Variants in ANK2 observed in about 807,000 individuals in gnomAD.
ANK2 encodes the protein ankyrin 2, also known as ankyrin-2.
In ANK2, 83 loss-of-function variants were observed where a neutral mutation model predicts 360.5. The ratio of observed to expected loss-of-function variants is 0.23; its 90% CI spans 0.19 to 0.28. The LOEUF is 0.28. ANK2 is among the 10% of genes least tolerant of loss of function. ANK2 has a pLI of 1.00. For missense variants in ANK2, 4,201 were observed against 4,795.7 expected (o/e 0.88, Z 3.66); for synonymous variants, 1,740 against 1,759.5 (o/e 0.99, Z 0.28).
intron 4 of ANK2, among the ~76,000 whole-genome samples, chr4:113,229,398 G>A (rs2099265155): frequency 6.6e-6 from 1 of 152,118 alleles, no homozygotes; most frequent in Non-Finnish European, 1.5e-5. Flanking sequence ...TCTTGCTCTT[G>A]TAAAGACCCC....
intron 13 of ANK2, among the ~76,000 whole-genome samples, chr4:113,259,812 C>A (rs200107076): frequency 9.4e-6 from 1 of 106,626 alleles, no homozygotes. Context: ...CTTTTTTTTT[C>A]TTTTTTTTTT....
At chr4:112,931,342 T>G (rs2154237377) in intron 2 of ANK2, among the ~76,000 whole-genome samples, 1 of 152,202 alleles carries the variant, frequency 6.6e-6, no homozygotes, top group South Asian at 2.1e-4. Flanking sequence ...AAATCTGTGG[T>G]TTTCAAGAAG....
intron 10 of ANK2, among the ~76,000 whole-genome samples, chr4:113,251,475 CTTTTTTTTTT>C (rs1167630240): frequency 1.1e-5 from 1 of 88,098 alleles, no homozygotes; most frequent in Non-Finnish European, 2.1e-5. Context: ...AATACAAAAT[CTTTTTTTTTT>C]TTTTTTTTTT....
chr4:112,844,483 T>C (rs573273234), intron 1 of ANK2, among the ~76,000 whole-genome samples: 1 of 152,340 alleles, frequency 6.6e-6, no homozygotes, highest in East Asian at 1.9e-4. Flanking sequence ...ACTGTGCCAA[T>C]GTTTGCAAAT....
In ANK2 at chr4:113,249,224, C is replaced by G. The variant is rs919529054; in HGVS notation, c.892-540C>G. On this transcript the variant is annotated intron_variant, in intron 9 of 45. Coordinates refer to ENST00000357077, the MANE Select transcript of ANK2 (RefSeq NM_001148.6). ...CTTTAAAATAGTCTAAAAAATGATG[C>G]TTCACTTTTGCAAGCATTAGGAAGC... Among the ~76,000 whole-genome samples, 8 of 152,014 alleles carry G rather than the reference C, an allele frequency of 5.3e-5. No homozygotes were observed. In the South Asian group the frequency reaches 1.7e-3, roughly 32 times the overall value.
chr4:113,186,681 A>G (rs1308870012), intron 2 of ANK2, among the ~76,000 whole-genome samples: 1 of 151,864 alleles, frequency 6.6e-6, no homozygotes, highest in Non-Finnish European at 1.5e-5. Context: ...AGTCTTTTCA[A>G]GGCCTCTTCT....
chr4:113,243,345 C>T (rs2041033328), intron 9 of ANK2, among the ~76,000 whole-genome samples: 1 of 152,206 alleles, frequency 6.6e-6, no homozygotes, highest in Non-Finnish European at 1.5e-5. Context: ...ATCTAGTTTC[C>T]TTGCAAATCT....
At chr4:113,124,119 A>T (rs1166131124) in intron 1 of ANK2, among the ~76,000 whole-genome samples, 1 of 152,194 alleles carries the variant, frequency 6.6e-6, no homozygotes, top group Non-Finnish European at 1.5e-5. Flanking sequence ...TGGAGAAGTT[A>T]TCCAAGCTAA....
chr4:112,736,323 C>T, the ANK2 span, among the ~76,000 whole-genome samples: 81 of 152,020 alleles, frequency 5.3e-4, no homozygotes, highest in African/African-American at 1.5e-3. Flanking sequence ...ATTAGCCAGA[C>T]GTGGCAGCCT....
intron 2 of ANK2, among the ~76,000 whole-genome samples, chr4:113,015,494 A>G (rs935950587): frequency 1.2e-4 from 18 of 152,198 alleles, no homozygotes; most frequent in African/African-American, 4.3e-4. Context: ...CAATTGTTGA[A>G]CTAAGTGTTA....
intron 2 of ANK2, among the ~76,000 whole-genome samples, chr4:112,994,897 C>T (rs960351963): frequency 6.6e-6 from 1 of 152,158 alleles, no homozygotes; most frequent in African/African-American, 2.4e-5. Context: ...AGGATAATGG[C>T]CTCTAGCTGC....
At chr4:112,914,948 G>A (rs1299329767) in intron 2 of ANK2, among the ~76,000 whole-genome samples, 1 of 152,218 alleles carries the variant, frequency 6.6e-6, no homozygotes, top group African/African-American at 2.4e-5. Flanking sequence ...AAAGCTTAAT[G>A]CAGCAAAGGC....
chr4:113,204,837 G>C (rs2098921376), intron 4 of ANK2, among the ~76,000 whole-genome samples: 1 of 152,136 alleles, frequency 6.6e-6, no homozygotes, highest in South Asian at 2.1e-4. Flanking sequence ...TAGGCAACTA[G>C]TGAGTAAAGC....
intron 4 of ANK2, among the ~76,000 whole-genome samples, chr4:113,202,334 A>G (rs2098841984): frequency 6.6e-6 from 1 of 151,868 alleles, no homozygotes; most frequent in African/African-American, 2.4e-5. Flanking sequence ...TCTTTATGTG[A>G]CAATATGGGG....
At chr4:112,858,601 T>C (rs1162003010) in intron 1 of ANK2, among the ~76,000 whole-genome samples, 1 of 152,216 alleles carries the variant, frequency 6.6e-6, no homozygotes, top group Non-Finnish European at 1.5e-5. Context: ...GTTCTTCGCA[T>C]TCTTAGTTCA....
At chr4:112,888,120 A>T (rs1378248134) in intron 1 of ANK2, among the ~76,000 whole-genome samples, 1 of 152,148 alleles carries the variant, frequency 6.6e-6, no homozygotes, top group African/African-American at 2.4e-5. Flanking sequence ...TTTTTTAAAG[A>T]TGGTTTTAGC....
At chr4:112,731,002 C>T in the ANK2 span, among the ~76,000 whole-genome samples, 1 of 151,784 alleles carries the variant, frequency 6.6e-6, no homozygotes, top group African/African-American at 2.4e-5. Context: ...ATTAGCTGGG[C>T]ATGGTGGCCC....
intron 23 of ANK2, among the ~76,000 whole-genome samples, chr4:113,307,698 C>T (rs1026337120): frequency 7.2e-5 from 11 of 152,138 alleles, no homozygotes; most frequent in Admixed American, 5.2e-4. Context: ...TCACCACGCC[C>T]GGCCGCCGTT....
intron 26 of ANK2, chr4:113,323,841 T>C (rs2087977773): frequency 6.4e-7 from 1 of 1,570,552 alleles, no homozygotes; most frequent in Non-Finnish European, 8.7e-7. Context: ...CCTATTCCTC[T>C]CCCCCTTTCG....
Sources: gnomAD v4.1 joint callset for allele counts (sites outside exome capture counted in the v4.1 genomes callset) on GRCh38, gnomAD v4.1.1 for gene constraint, MANE v1.5 for transcripts, NCBI Gene and HGNC (gene_info 2026-07-23, HGNC 2026-07-21) for gene names.